The following ERMP1 variants were observed in gnomAD, a reference collection of about 807,000 sequenced individuals.
ERMP1 encodes endoplasmic reticulum metallopeptidase 1, also known as Felix-ina.
In ERMP1, 86 loss-of-function variants were observed where a neutral mutation model predicts 92.0. That is an observed-to-expected ratio of 0.93 (90% confidence interval 0.79 to 1.12). The LOEUF (loss-of-function observed/expected upper bound fraction) is 1.12. Ranked by LOEUF, ERMP1 falls within the 50% of genes most tolerant of loss-of-function variation. The pLI is 0.00. For missense variants in ERMP1, 1,342 were observed against 1,116.3 expected (o/e 1.20, Z -2.88); for synonymous variants, 530 against 412.8 (o/e 1.28, Z -3.44).
In ERMP1 at chr9:5,784,977, C is replaced by A. The variant is rs1827877478; in HGVS notation, c.*2167G>T. The A allele has an allele frequency of 6.6e-6, 1 of 151,942 alleles. No homozygotes were observed. Among genetic ancestry groups the A allele is most frequent in the Non-Finnish European group, 1.5e-5 (1 of 67,984 alleles). 9.4% of individuals were successfully genotyped at this position (151,942 alleles called of 1,614,324 possible). On this transcript the variant is annotated 3_prime_UTR_variant, in exon 15 of 15. Transcript: ENST00000339450. ...TCACTCTTTAAAAATTTTTTTTAAT[C>A]TCAGAATCTACTAATGTGACAGACA... is the stretch of plus-strand genomic sequence containing the variant.
chr9:5,823,433 T>C (rs1829616917), intron 4 of ERMP1, among the ~76,000 whole-genome samples: 1 of 152,216 alleles, frequency 6.6e-6, no homozygotes, highest in East Asian at 1.9e-4. Flanking sequence ...TAACAATATT[T>C]ATATCATAAC....
At chr9:5,800,639 G>A (rs1828633692) in intron 11 of ERMP1, among the ~76,000 whole-genome samples, 1 of 152,136 alleles carries the variant, frequency 6.6e-6, no homozygotes. Context: ...TCGTTCCACT[G>A]CACTCCAGCC....
chr9:5,864,975 T>A (rs6477011), intron 5 of ERMP1, among the ~76,000 whole-genome samples: 1 of 151,958 alleles, frequency 6.6e-6, no homozygotes, highest in Non-Finnish European at 1.5e-5. Flanking sequence ...AGTTGTTTCA[T>A]GGAAAAAAAA....
chr9:5,819,117 G>GA (rs1269218169), intron 4 of ERMP1, among the ~76,000 whole-genome samples: 4 of 152,108 alleles, frequency 2.6e-5, no homozygotes, highest in Non-Finnish European at 5.9e-5. Context: ...ACTTACACAT[G>GA]AATGTTTACT....
exon 6 of ERMP1, among the ~76,000 whole-genome samples, chr9:5,859,602 T>G (rs140814157): frequency 4.0e-3 from 612 of 152,342 alleles, no homozygotes; most frequent in Admixed American, 9.1e-3. Context: ...CTGTGATCAG[T>G]TGACAATGCC....
chr9:5,846,133 C>T (rs1263803594), intron 6 of ERMP1, among the ~76,000 whole-genome samples: 2 of 152,192 alleles, frequency 1.3e-5, no homozygotes, highest in African/African-American at 4.8e-5. Flanking sequence ...GGTAACCACA[C>T]TTTGTGAAGC....
At chr9:5,796,832 T>C (rs183882846) in intron 13 of ERMP1, among the ~76,000 whole-genome samples, 41 of 152,166 alleles carry the variant, frequency 2.7e-4, no homozygotes, top group Non-Finnish European at 2.5e-4. Flanking sequence ...TCAATACCCA[T>C]AGAACTACAC....
chr9:5,819,242 AAT>A (rs1360193171), intron 4 of ERMP1, among the ~76,000 whole-genome samples: 1 of 152,224 alleles, frequency 6.6e-6, no homozygotes, highest in Non-Finnish European at 1.5e-5. Context: ...ATTAAAAAAA[AAT>A]GAAGTACTAA....
At chr9:5,814,648 T>C (rs1024811987) in intron 4 of ERMP1, among the ~76,000 whole-genome samples, 1 of 152,128 alleles carries the variant, frequency 6.6e-6, no homozygotes, top group African/African-American at 2.4e-5. Flanking sequence ...GAGAATTGCT[T>C]AGACCTGTGA....
chr9:5,838,747 C>T (rs773582199), intron 6 of ERMP1, among the ~76,000 whole-genome samples: 2 of 151,158 alleles, frequency 1.3e-5, no homozygotes, highest in Non-Finnish European at 2.9e-5. Context: ...CACAACTTTA[C>T]CAAAGTCTGT....
At chr9:5,855,279 T>C (rs917493209) in intron 6 of ERMP1, among the ~76,000 whole-genome samples, 1 of 152,218 alleles carries the variant, frequency 6.6e-6, no homozygotes, top group Non-Finnish European at 1.5e-5. Flanking sequence ...TGATTCCTAC[T>C]GTGAAAGATG....
rs1306733781 is a variant in ERMP1 at position 5,805,623 on chromosome 9, A to G, written c.1711T>C (p.Phe571Leu). ...LLTKLCVHKD[F>L]KQHGAQGKFI... ...AAAAATACCCTACCATGCTGCTTGA[A>G]GTCCTTATGCACACAGAGCTTTGTG... is the stretch of plus-strand genomic sequence containing the variant. Residue 571 changes from phenylalanine (F) to leucine (L), a missense_variant, in exon 9 of 15, where the codon TTC (phenylalanine) becomes CTC (leucine). Coordinates refer to ENST00000339450, the MANE Select transcript of ERMP1 (RefSeq NM_024896.3). The G allele has an allele frequency of 6.3e-7, 1 of 1,583,388 alleles. No homozygotes were observed. Among genetic ancestry groups the G allele is most frequent in the Admixed American group, 1.9e-5 (1 of 51,664 alleles).
chr9:5,820,784 C>T (rs182439564), intron 4 of ERMP1, among the ~76,000 whole-genome samples: 2 of 152,284 alleles, frequency 1.3e-5, no homozygotes, highest in East Asian at 3.9e-4. Context: ...TACTCTCAAG[C>T]ACAACTCCAA....
At chr9:5,837,033 G>A (rs561504972), upstream of ERMP1, among the ~76,000 whole-genome samples, 1 of 152,294 alleles carries the variant, frequency 6.6e-6, no homozygotes, top group African/African-American at 2.4e-5. Flanking sequence ...GCTAGCTGAA[G>A]CCACTATGTC....
chr9:5,814,823 GAC>G (rs1366717309), intron 4 of ERMP1, among the ~76,000 whole-genome samples: 1 of 152,096 alleles, frequency 6.6e-6, no homozygotes, highest in Non-Finnish European at 1.5e-5. Context: ...GGAGTTACCA[GAC>G]ACAGATTCTA....
Position 5,832,879 on chromosome 9 carries a change from C to T in ERMP1, c.149G>A (p.Arg50Gln). The change falls in exon 1 of 15, where the codon CGG becomes CAG. Residue 50 changes from arginine to glutamine, a missense_variant. By Grantham distance (43) the Arg-to-Gln change is conservative. Coordinates refer to ENST00000339450, the MANE Select transcript of ERMP1 (RefSeq NM_024896.3). Reference sequence around the variant, plus strand: ...GCCGCTACCCCCGGGGCTCCTCTTCCGCGTCCTCCCGCCGCCGCTGCACCC... The same window carrying T: ...GCCGCTACCCCCGGGGCTCCTCTTCTGCGTCCTCCCGCCGCCGCTGCACCC... ...VDGCSGGGRT[R>Q]KRSPGGSGGA... is the part of the protein sequence containing the mutation. The T allele has an allele frequency of 1.3e-6, 2 of 1,532,602 alleles. No homozygotes were observed. Among genetic ancestry groups the T allele is most frequent in the Non-Finnish European group, 1.7e-6 (2 of 1,149,650 alleles). The allele number at this position is 1,532,602 out of a possible 1,614,324, so 94.9% of individuals were successfully genotyped here.
chr9:5,833,069 G>C lies in ERMP1; in HGVS notation c.-42C>G. The C allele has an allele frequency of 5.7e-6, 8 of 1,405,144 alleles. No homozygotes were observed. The highest frequency in any genetic ancestry group is 7.4e-6 in the Non-Finnish European group (8 of 1,087,832). 87.0% of individuals were successfully genotyped at this position (1,405,144 alleles called of 1,614,324 possible). A position where few individuals can be genotyped will look rare whatever the true frequency, so the allele number is the denominator to read the frequency against. ...TGCCAGCCCAACCGCCCCAACCCGC[G>C]ACAGCCCCGGCCGCCGCCGACGCCG... On this transcript the variant is annotated 5_prime_UTR_variant, in exon 1 of 15. Transcript: ENST00000339450.
chr9:5,849,987 T>C (rs1830287644), intron 6 of ERMP1, among the ~76,000 whole-genome samples: 1 of 152,188 alleles, frequency 6.6e-6, no homozygotes, highest in Non-Finnish European at 1.5e-5. Context: ...ATTTCAATCG[T>C]GGCCTTGCAG....
intron 1 of ERMP1, 135 bp from the exon 2 acceptor site, chr9:5,831,163 T>A (rs924408527): frequency 1.6e-5 from 10 of 637,810 alleles, no homozygotes; most frequent in African/African-American, 1.3e-4. Context: ...CCGCCTTTCA[T>A]TATTTCAGAC....
Sources: allele counts gnomAD v4.1 joint callset (sites outside exome capture counted in the v4.1 genomes callset), GRCh38; gene constraint gnomAD v4.1.1; transcripts MANE v1.5; gene names NCBI Gene and HGNC (gene_info 2026-07-23, HGNC 2026-07-21).